VWDE: variants seen among roughly 807,000 people sequenced by gnomAD.
The protein encoded by VWDE is von Willebrand factor D and EGF domain-containing protein.
Under a neutral mutation model 178.4 loss-of-function variants are expected in VWDE, and 207 were observed. That is an observed-to-expected ratio of 1.16 (90% CI 1.04 to 1.30). The LOEUF is 1.30. Ranked by LOEUF, VWDE falls within the 50% of genes most tolerant of loss-of-function variation. The pLI, the probability that VWDE is intolerant of heterozygous loss-of-function variation, is 0.00. For synonymous variants in VWDE, 738 were observed against 651.4 expected, an observed-to-expected ratio of 1.13 and a Z score of -2.02; for missense variants, 2,287 against 1,901.3, an observed-to-expected ratio of 1.20 and a Z score of -3.77.
chr7:12,340,724 G>T (rs1306065631), intron 23 of VWDE, among the ~76,000 whole-genome samples: 1 of 152,182 alleles, frequency 6.6e-6, no homozygotes, highest in Admixed American at 6.5e-5. Context: ...GAATGTAGAG[G>T]CTATGATTAG....
intron 13 of VWDE, among the ~76,000 whole-genome samples, chr7:12,362,832 C>T (rs1374840316): frequency 6.6e-6 from 1 of 152,040 alleles, no homozygotes; most frequent in Non-Finnish European, 1.5e-5. Context: ...CCAGTGGTTT[C>T]CCTCTTGTAG....
chr7:12,402,821 CA>C lies in VWDE; in HGVS notation c.58+837del, dbSNP rs529388479. ...TTACATCAGTAAAATGAGTTAAGAT[CA>C]AAAAATGATAAGACAAAACTATACC... is the stretch of plus-strand genomic sequence containing the variant. On this transcript the variant is annotated intron_variant, in intron 1 of 28. Coordinates refer to ENST00000275358, the MANE Select transcript of VWDE (RefSeq NM_001135924.3). Among the ~76,000 whole-genome samples the C allele has an allele frequency of 2.6e-4, 39 of 151,706 alleles. No homozygotes were observed. In the South Asian group the frequency reaches 3.8e-3, roughly 15 times the overall value.
chr7:12,389,392 C>G (rs1458435098), intron 2 of VWDE, 34 bp from the exon 3 acceptor site: 2 of 1,459,572 alleles, frequency 1.4e-6, no homozygotes, highest in South Asian at 1.2e-5. Context: ...GTTGAAAATT[C>G]AGTTTATTTT....
Position 12,389,112 on chromosome 7 carries a change from CTGG to C in VWDE, c.475+12_475+14del. The stretch of plus-strand genomic sequence containing the variant: ...CCATGAATAACAGTCATGTGAATTA[CTGG>C]TGTTTTCTTACCTTCCGCACAGTAG... On this transcript the variant is annotated intron_variant, in intron 3 of 28. Transcript: ENST00000275358. The C allele has an allele frequency of 1.4e-6, 2 of 1,461,494 alleles. No individual in the cohort carries two copies. The highest frequency in any genetic ancestry group is 1.9e-6 in the Non-Finnish European group (2 of 1,065,428). The allele number at this position is 1,461,494 out of a possible 1,614,324, so 90.5% of individuals were successfully genotyped here. A position where few individuals can be genotyped will look rare whatever the true frequency, so the allele number is the denominator to read the frequency against.
In VWDE at chr7:12,335,224, A is replaced by G. The variant is rs111863499; in HGVS notation, c.4654+917T>C. Among the ~76,000 whole-genome samples the G allele has an allele frequency of 1.6e-3, 240 of 152,308 alleles. 2 individuals are homozygous for G. Among genetic ancestry groups the G allele is most frequent in the African/African-American group, 5.5e-3 (229 of 41,578 alleles). On this transcript the variant is annotated intron_variant, in intron 27 of 28. Coordinates refer to ENST00000275358, the MANE Select transcript of VWDE (RefSeq NM_001135924.3). ...TTATTAATCATTTGGAAATATTTTGAGGGATTTGCAGTTTTTCCCATTAAG... is the reference window on the plus strand; with the variant it reads ...TTATTAATCATTTGGAAATATTTTGGGGGATTTGCAGTTTTTCCCATTAAG...
At chr7:12,367,954 T>C (rs1782953676) in intron 12 of VWDE, among the ~76,000 whole-genome samples, 1 of 152,042 alleles carries the variant, frequency 6.6e-6, no homozygotes, top group African/African-American at 2.4e-5. Flanking sequence ...AATGGGTATA[T>C]GCAGTGTGTA....
At chr7:12,398,650 A>T (rs1178374536) in intron 1 of VWDE, among the ~76,000 whole-genome samples, 1 of 152,176 alleles carries the variant, frequency 6.6e-6, no homozygotes, top group Admixed American at 6.6e-5. Context: ...CTTTTTGTGC[A>T]GGATGTAGAC....
intron 1 of VWDE, among the ~76,000 whole-genome samples, chr7:12,400,458 A>C (rs143026738): frequency 6.6e-6 from 1 of 152,264 alleles, no homozygotes; most frequent in Non-Finnish European, 1.5e-5. Context: ...CTTAGATGAG[A>C]TTGACAAATT....
intron 3 of VWDE, 51 bp from the exon 4 acceptor site, chr7:12,383,652 C>T (rs1205423205): frequency 5.8e-6 from 8 of 1,382,722 alleles, no homozygotes; most frequent in Non-Finnish European, 8.0e-6. Context: ...TGAAGATATA[C>T]ATCTACATAT....
chr7:12,391,248 C>T (rs150393441), intron 2 of VWDE, among the ~76,000 whole-genome samples: 107 of 152,174 alleles, frequency 7.0e-4, no homozygotes, highest in African/African-American at 2.5e-3. Flanking sequence ...TCTTTATTTC[C>T]TAAGCTTTAT....
chr7:12,375,915 A>C (rs937307665), intron 7 of VWDE, among the ~76,000 whole-genome samples: 1 of 152,130 alleles, frequency 6.6e-6, no homozygotes, highest in East Asian at 1.9e-4. Context: ...CTAAACAAAA[A>C]GAACAGATTT....
At chr7:12,403,378 A>G (rs956427977) in intron 1 of VWDE, among the ~76,000 whole-genome samples, 2 of 152,206 alleles carry the variant, frequency 1.3e-5, no homozygotes, top group Admixed American at 1.3e-4. Flanking sequence ...AAAGAGCAGG[A>G]TAACAGCAGG....
Position 12,331,036 on chromosome 7 carries a change from G to T in VWDE, c.*147C>A, listed in dbSNP as rs1780688485. 4 of 606,084 alleles carry T rather than the reference G, an allele frequency of 6.6e-6. No homozygotes were observed. Among genetic ancestry groups the T allele is most frequent in the South Asian group, 2.4e-5 (1 of 42,386 alleles). 37.5% of individuals were successfully genotyped at this position (606,084 alleles called of 1,614,324 possible). A position where few individuals can be genotyped will look rare whatever the true frequency, so the allele number is the denominator to read the frequency against. On this transcript the variant is annotated 3_prime_UTR_variant, in exon 29 of 29. Coordinates refer to ENST00000275358, the MANE Select transcript of VWDE (RefSeq NM_001135924.3). ...TGCTTTTCTCTATGATTACAACAGA[G>T]ATCATTATGTATTTTATTAGTTTCT...
chr7:12,351,489 C>A, intron 19 of VWDE, 84 bp downstream of exon 19: 1 of 1,372,394 alleles, frequency 7.3e-7, no homozygotes, highest in Admixed American at 2.9e-5. Flanking sequence ...AATAAAAATA[C>A]CTGAGGAATA....
Position 12,337,157 on chromosome 7 carries a change from T to C in VWDE, c.4462+20A>G, listed in dbSNP as rs1054460050. The stretch of plus-strand genomic sequence containing the variant: ...CTTGGCTTTAGCTGTAGTTGACAAA[T>C]ACATTTAGTGATGTCTTACTTTTTT... On this transcript the variant is annotated intron_variant, in intron 25 of 28. Coordinates refer to ENST00000275358, the MANE Select transcript of VWDE (RefSeq NM_001135924.3). The C allele has an allele frequency of 6.4e-7, 1 of 1,551,370 alleles. No individual in the cohort carries two copies. The highest frequency in any genetic ancestry group is 1.4e-5 in the African/African-American group (1 of 73,176).
In VWDE at chr7:12,375,037, C is replaced by A. The variant is rs1783441827; in HGVS notation, c.1215G>T (p.Trp405Cys). 6.4e-7 allele frequency: 1 copy of A among 1,551,084 alleles called. No homozygotes were observed. Among genetic ancestry groups the A allele is most frequent in the African/African-American group, 1.4e-5 (1 of 73,098 alleles). ...VQPIVNEDFL[W>C]NNYIPDSIQI... ...GGATGCTGTCTGGAATGTAGTTGTT[C>A]CACAGGAAATCCTCATTAACTATTG... is the stretch of plus-strand genomic sequence containing the variant. Residue 405 changes from tryptophan (W) to cysteine (C), a missense_variant, in exon 8 of 29, where the codon TGG (tryptophan) becomes TGT (cysteine). By Grantham distance (215) the Trp-to-Cys change is radical. Coordinates refer to ENST00000275358, the MANE Select transcript of VWDE (RefSeq NM_001135924.3).
chr7:12,403,721 G>A lies in VWDE; in HGVS notation c.-5C>T, dbSNP rs1277651490. 3.9e-6 allele frequency: 6 copies of A among 1,550,338 alleles called. No individual in the cohort carries two copies. The highest frequency in any genetic ancestry group is 1.2e-5 in the South Asian group (1 of 83,994). ...CACGCAGGCTCCGCCAGGCATCGCT[G>A]CTTCCGCAGGTGGGGCGAAAGGCGT... is the stretch of plus-strand genomic sequence containing the variant. On this transcript the variant is annotated 5_prime_UTR_variant, in exon 1 of 29. Coordinates refer to ENST00000275358, the MANE Select transcript of VWDE (RefSeq NM_001135924.3).
intron 22 of VWDE, 132 bp from the exon 23 acceptor site, chr7:12,342,286 AT>A: frequency 1.7e-6 from 1 of 586,824 alleles, no homozygotes; most frequent in Non-Finnish European, 2.8e-6. Context: ...ATAAAATACA[AT>A]TTATATTCGG....
At chr7:12,372,438 G>A (rs1469724850) in intron 10 of VWDE, among the ~76,000 whole-genome samples, 1 of 151,882 alleles carries the variant, frequency 6.6e-6, no homozygotes, top group African/African-American at 2.4e-5. Context: ...TTACTTGTTT[G>A]AAAGATGAAT....
Sources: gnomAD v4.1 joint callset for allele counts (sites outside exome capture counted in the v4.1 genomes callset) on GRCh38, gnomAD v4.1.1 for gene constraint, MANE v1.5 for transcripts, NCBI Gene and HGNC (gene_info 2026-07-23, HGNC 2026-07-21) for gene names.